The following CTNNA2 variants were observed in gnomAD, a reference collection of about 807,000 sequenced individuals.
CTNNA2 encodes the protein catenin alpha 2.
In CTNNA2, 42 loss-of-function variants were observed where a neutral mutation model predicts 101.0. That is an observed-to-expected ratio of 0.42 (90% CI 0.32 to 0.54). The LOEUF (loss-of-function observed/expected upper bound fraction) is 0.54. Among genes scored for constraint, CTNNA2 ranks in the 20% least tolerant of loss-of-function variants. The pLI, the probability that CTNNA2 is intolerant of heterozygous loss-of-function variation, is 0.14. For synonymous variants in CTNNA2, 450 were observed against 456.4 expected (o/e 0.99, Z 0.18); for missense variants, 871 against 1,223.1 (o/e 0.71, Z 4.29).
chr2:80,162,579 C>T, intron 7 of CTNNA2: 2 of 1,610,248 alleles, frequency 1.2e-6, no homozygotes, highest in Non-Finnish European at 1.7e-6. Flanking sequence ...ATGGTCAGAC[C>T]CATGATCAGT....
intron 7 of CTNNA2, among the ~76,000 whole-genome samples, chr2:80,345,973 G>A (rs1573787868): frequency 1.3e-5 from 2 of 151,930 alleles, no homozygotes; most frequent in Non-Finnish European, 2.9e-5. Context: ...GAGGATAAAG[G>A]GCATAAGGAG....
intron 11 of CTNNA2, among the ~76,000 whole-genome samples, chr2:80,552,787 G>A (rs1295572307): frequency 6.6e-6 from 1 of 152,116 alleles, no homozygotes; most frequent in Non-Finnish European, 1.5e-5. Context: ...ATCTAAACAT[G>A]TATAAATATT....
chr2:79,692,305 C>G (rs907293803), intron 2 of CTNNA2, among the ~76,000 whole-genome samples: 1 of 152,118 alleles, frequency 6.6e-6, no homozygotes, highest in Admixed American at 6.6e-5. Flanking sequence ...AAATGCAAAT[C>G]AAAACCACAG....
chr2:79,611,341 T>G (rs564992162), intron 1 of CTNNA2, among the ~76,000 whole-genome samples: 10 of 152,286 alleles, frequency 6.6e-5, no homozygotes, highest in Non-Finnish European at 1.2e-4. Flanking sequence ...TTTCACACAT[T>G]TCACTTTTAG....
intron 9 of CTNNA2, among the ~76,000 whole-genome samples, chr2:80,501,658 T>TA (rs1265828614): frequency 6.6e-6 from 1 of 152,204 alleles, no homozygotes; most frequent in Non-Finnish European, 1.5e-5. Flanking sequence ...GCAAAGGATT[T>TA]ATTATGAATG....
At chr2:79,574,262 T>TACATA (rs1675644606) in intron 1 of CTNNA2, 2 of 152,214 alleles carry the variant, frequency 1.3e-5, no homozygotes, top group Non-Finnish European at 2.9e-5. Context: ...TGCAGGTTTG[T>TACATA]CCTATAAGTA....
intron 3 of CTNNA2, among the ~76,000 whole-genome samples, chr2:79,338,572 C>CTCTTCTTCTTCTTCT (rs1206814071): frequency 3.5e-4 from 44 of 127,238 alleles, no homozygotes; most frequent in African/African-American, 8.2e-4. Flanking sequence ...CTTCTTCCTC[C>CTCTTCTTCTTCTTCT]TCATCATCTT....
chr2:79,896,750 G>A (rs1684739110), intron 6 of CTNNA2, among the ~76,000 whole-genome samples: 1 of 152,192 alleles, frequency 6.6e-6, no homozygotes, highest in Non-Finnish European at 1.5e-5. Flanking sequence ...TTAATAATGG[G>A]AATTAAAGAG....
chr2:80,287,245 G>C (rs957832729), intron 7 of CTNNA2, among the ~76,000 whole-genome samples: 1 of 152,160 alleles, frequency 6.6e-6, no homozygotes, highest in Non-Finnish European at 1.5e-5. Flanking sequence ...TGGAAATAGA[G>C]AGAATGATAG....
At chr2:80,529,021 T>G (rs1201332895) in intron 9 of CTNNA2, among the ~76,000 whole-genome samples, 2 of 152,148 alleles carry the variant, frequency 1.3e-5, no homozygotes, top group African/African-American at 4.8e-5. Flanking sequence ...AGAAAGGAAC[T>G]TGGGAAATAC....
chr2:79,832,464 GC>G (rs1678999915), intron 3 of CTNNA2, among the ~76,000 whole-genome samples: 1 of 152,150 alleles, frequency 6.6e-6, no homozygotes, highest in Admixed American at 6.6e-5. Flanking sequence ...TTACAAATAT[GC>G]TTTCTCCCAT....
intron 7 of CTNNA2, among the ~76,000 whole-genome samples, chr2:80,104,722 G>T (rs186330071): frequency 1.3e-5 from 2 of 152,330 alleles, no homozygotes; most frequent in East Asian, 3.9e-4. Flanking sequence ...AGTTAATTCA[G>T]CAGCAGTAAT....
intron 9 of CTNNA2, among the ~76,000 whole-genome samples, chr2:80,488,250 C>A (rs1686756699): frequency 6.6e-6 from 1 of 152,104 alleles, no homozygotes; most frequent in African/African-American, 2.4e-5. Flanking sequence ...TTGAAGCCTA[C>A]TCATTTCATA....
intron 8 of CTNNA2, among the ~76,000 whole-genome samples, chr2:80,395,036 G>A (rs989344565): frequency 6.6e-6 from 1 of 151,996 alleles, no homozygotes; most frequent in Non-Finnish European, 1.5e-5. Context: ...AATCATGGCA[G>A]GATTATTATT....
rs182969597 is a variant in CTNNA2 at position 79,676,978 on chromosome 2, C to G, written c.102+25320C>G. 1.5e-3 allele frequency among the ~76,000 whole-genome samples: 229 copies of G among 152,240 alleles called. 1 individual carries two copies. Among genetic ancestry groups the G allele is most frequent in the Admixed American group, 3.2e-3 (49 of 15,300 alleles). ...TTAGGGTGACTCTCCATCAGACCTG[C>G]CCAGGTCTGAGTTTGCACTTGGCTA... On this transcript the variant is annotated intron_variant, in intron 2 of 18. Transcript: ENST00000402739.
chr2:80,159,977 T>A (rs919010963), intron 7 of CTNNA2, among the ~76,000 whole-genome samples: 1 of 152,226 alleles, frequency 6.6e-6, no homozygotes, highest in East Asian at 1.9e-4. Flanking sequence ...ATTTGAGCTG[T>A]GATCTATTTT....
intron 4 of CTNNA2, among the ~76,000 whole-genome samples, chr2:79,397,059 G>A (rs1294018003): frequency 6.6e-6 from 1 of 152,112 alleles, no homozygotes; most frequent in Non-Finnish European, 1.5e-5. Context: ...CAGATATGCT[G>A]ACACTGCTGG....
At chr2:80,204,978 A>G (rs1291211743) in intron 7 of CTNNA2, among the ~76,000 whole-genome samples, 2 of 152,142 alleles carry the variant, frequency 1.3e-5, no homozygotes, top group East Asian at 1.9e-4. Flanking sequence ...TTTTAAAACC[A>G]TCAGATCTCA....
chr2:80,142,040 G>T (rs62140128), intron 7 of CTNNA2, among the ~76,000 whole-genome samples: 1 of 152,116 alleles, frequency 6.6e-6, no homozygotes, highest in East Asian at 1.9e-4. Context: ...TTCCTGAGGG[G>T]CCTGGAGGTC....
Sources: gnomAD v4.1 joint callset for allele counts (sites outside exome capture counted in the v4.1 genomes callset) on GRCh38, gnomAD v4.1.1 for gene constraint, MANE v1.5 for transcripts, NCBI Gene and HGNC (gene_info 2026-07-23, HGNC 2026-07-21) for gene names.